The following SDCBP variants were observed in gnomAD, a reference collection of about 807,000 sequenced individuals.
SDCBP encodes the protein syndecan binding protein, also known as syntenin-1.
SDCBP carries 22 observed loss-of-function variants against 30.5 expected under a neutral mutation model. The observed-to-expected ratio is 0.72, with a 90% CI of 0.52 to 1.03. The LOEUF (loss-of-function observed/expected upper bound fraction) is 1.03, where lower values mean the gene tolerates loss of function less well. SDCBP is among the 50% of genes least tolerant of loss of function. The pLI is 0.00. For synonymous variants in SDCBP, 103 were observed against 118.7 expected (o/e 0.87, Z 0.86); for missense variants, 304 against 369.9 (o/e 0.82, Z 1.46).
intron 2 of SDCBP, among the ~76,000 whole-genome samples, chr8:58,568,668 G>A (rs1217602003): frequency 5.3e-5 from 8 of 151,990 alleles, no homozygotes; most frequent in Admixed American, 3.9e-4. Context: ...TCTGTGTGAC[G>A]GCAGCTATGA....
intron 5 of SDCBP, among the ~76,000 whole-genome samples, chr8:58,577,149 G>C (rs774077918): frequency 1.3e-5 from 2 of 152,242 alleles, no homozygotes; most frequent in African/African-American, 2.4e-5. Flanking sequence ...GGTAATAGTT[G>C]CAGTGGATTT....
intron 8 of SDCBP, among the ~76,000 whole-genome samples, chr8:58,581,148 C>T (rs976059495): frequency 2.8e-5 from 4 of 141,708 alleles, no homozygotes; most frequent in African/African-American, 1.3e-4. Flanking sequence ...CATATCCTAG[C>T]ATCTACCATA....
intron 6 of SDCBP, chr8:58,578,464 G>A (rs1805474832): frequency 7.1e-6 from 2 of 283,286 alleles, no homozygotes; most frequent in South Asian, 7.0e-5. Context: ...AAGTAACTGA[G>A]TTGCAGGGCA....
At chr8:58,575,406 G>T (rs1411685545) in intron 4 of SDCBP, among the ~76,000 whole-genome samples, 1 of 152,154 alleles carries the variant, frequency 6.6e-6, no homozygotes, top group African/African-American at 2.4e-5. Flanking sequence ...TACTAGAGGG[G>T]AAGAGACATA....
chr8:58,566,666 T>C (rs1022814450), intron 2 of SDCBP, among the ~76,000 whole-genome samples: 2 of 152,202 alleles, frequency 1.3e-5, no homozygotes, highest in Non-Finnish European at 2.9e-5. Context: ...TGGCTGTTTT[T>C]GTTTTGTTTT....
intron 1 of SDCBP, among the ~76,000 whole-genome samples, chr8:58,555,623 C>A (rs1429546235): frequency 6.6e-6 from 1 of 152,056 alleles, no homozygotes; most frequent in Admixed American, 6.6e-5. Context: ...TGATGATTAG[C>A]CAGATTGAGA....
chr8:58,571,182 A>G (rs1276254086), intron 3 of SDCBP, among the ~76,000 whole-genome samples: 1 of 152,182 alleles, frequency 6.6e-6, no homozygotes, highest in Non-Finnish European at 1.5e-5. Context: ...TTCATGGCTT[A>G]ATGAAAATTA....
intron 4 of SDCBP, among the ~76,000 whole-genome samples, chr8:58,575,244 T>A (rs1174507869): frequency 6.6e-6 from 1 of 152,206 alleles, no homozygotes; most frequent in Non-Finnish European, 1.5e-5. Flanking sequence ...TTCTTTTTGG[T>A]TGGGGAAAGG....
At chr8:58,577,887 CAT>C (rs1805435321) in intron 5 of SDCBP, 144 bp from the exon 6 acceptor site, 3 of 616,592 alleles carry the variant, frequency 4.9e-6, no homozygotes, top group Admixed American at 3.3e-5. Flanking sequence ...TTAATATACT[CAT>C]ATAGTTTTTC....
intron 2 of SDCBP, among the ~76,000 whole-genome samples, chr8:58,568,905 G>A (rs144522399): frequency 2.0e-5 from 3 of 152,174 alleles, no homozygotes; most frequent in East Asian, 3.9e-4. Flanking sequence ...TTTCTTTAGC[G>A]TCAGGATGTC....
At chr8:58,572,097 T>C (rs1805058832) in intron 3 of SDCBP, 108 bp from the exon 4 acceptor site, 4 of 661,484 alleles carry the variant, frequency 6.0e-6, no homozygotes, top group Admixed American at 4.9e-5. Flanking sequence ...TCATTCTAGA[T>C]TTTATAACTT....
chr8:58,557,355 GATATATAAAAATATAT>G (rs1295642935), intron 1 of SDCBP, among the ~76,000 whole-genome samples: 72 of 122,798 alleles, frequency 5.9e-4, no homozygotes, highest in African/African-American at 2.1e-3. Flanking sequence ...AAAATATATA[GATATATAAAAATATAT>G]AAATATAAAA....
chr8:58,558,580 T>A (rs1396944784), intron 1 of SDCBP, among the ~76,000 whole-genome samples: 6 of 152,200 alleles, frequency 3.9e-5, no homozygotes, highest in African/African-American at 1.2e-4. Flanking sequence ...CCAGCTACAT[T>A]TGATATCTTT....
At chr8:58,553,633 C>T (rs1225103443) in intron 1 of SDCBP, among the ~76,000 whole-genome samples, 1 of 152,190 alleles carries the variant, frequency 6.6e-6, no homozygotes. Flanking sequence ...CTTCAGCCCC[C>T]GCCCCAGCTC....
intron 2 of SDCBP, among the ~76,000 whole-genome samples, chr8:58,565,285 A>G (rs919838862): frequency 6.6e-6 from 1 of 152,102 alleles, no homozygotes; most frequent in Non-Finnish European, 1.5e-5. Flanking sequence ...CTGTGAATTA[A>G]TAGGCATGAG....
At chr8:58,556,039 A>T (rs1804078181) in intron 1 of SDCBP, among the ~76,000 whole-genome samples, 1 of 152,232 alleles carries the variant, frequency 6.6e-6, no homozygotes, top group South Asian at 2.1e-4. Flanking sequence ...TAGTTGAAAT[A>T]GGCAACATCT....
rs1805724318 is a variant in SDCBP at position 58,582,158 on chromosome 8, C to T, written c.*418C>T. 6.3e-6 allele frequency: 1 copy of T among 157,914 alleles called. No individual in the cohort carries two copies. The highest frequency in any genetic ancestry group is 1.4e-5 in the Non-Finnish European group (1 of 71,740). 9.8% of individuals were successfully genotyped at this position (157,914 alleles called of 1,614,324 possible). The stretch of plus-strand genomic sequence containing the variant: ...GCATCTTTAACATGCTATCATAGTA[C>T]ATTTAGAATGATTGCCTTTGATTTT... On this transcript the variant is annotated 3_prime_UTR_variant, in exon 9 of 9. Coordinates refer to ENST00000260130, the MANE Select transcript of SDCBP (RefSeq NM_005625.4).
chr8:58,556,966 A>G (rs997889622), intron 1 of SDCBP, among the ~76,000 whole-genome samples: 1 of 140,326 alleles, frequency 7.1e-6, no homozygotes, highest in African/African-American at 2.6e-5. Context: ...TGATTTATAT[A>G]TTATATATAA....
chr8:58,557,094 ATATAT>A (rs1191313778), intron 1 of SDCBP, among the ~76,000 whole-genome samples: 2 of 127,686 alleles, frequency 1.6e-5, no homozygotes, highest in African/African-American at 3.1e-5. Context: ...AATTTATACC[ATATAT>A]TATATATTAT....
Sources: gnomAD v4.1 joint callset for allele counts (sites outside exome capture counted in the v4.1 genomes callset) on GRCh38, gnomAD v4.1.1 for gene constraint, MANE v1.5 for transcripts, NCBI Gene and HGNC (gene_info 2026-07-23, HGNC 2026-07-21) for gene names.